The following NELL2 variants were observed in gnomAD, a reference collection of about 807,000 sequenced individuals.
NELL2 encodes protein kinase C-binding protein NELL2.
A neutral mutation model predicts 109.6 loss-of-function variants in NELL2; 41 were observed. The observed-to-expected ratio is 0.37, with a 90% CI of 0.29 to 0.49. NELL2 has a LOEUF of 0.49. NELL2 is among the 20% of genes least tolerant of loss of function. NELL2 has a pLI of 0.98. For missense variants in NELL2, 900 were observed against 1,008.3 expected (o/e 0.89, Z 1.45); for synonymous variants, 355 against 344.7 (o/e 1.03, Z -0.33).
At chr12:44,598,178 A>C (rs1052752996) in intron 15 of NELL2, among the ~76,000 whole-genome samples, 2 of 148,302 alleles carry the variant, frequency 1.3e-5, no homozygotes, top group African/African-American at 2.4e-5. Flanking sequence ...AAAAAAAAAA[A>C]AAAAACAGTA....
At chr12:44,828,232 G>T (rs1566485480) in intron 2 of NELL2, among the ~76,000 whole-genome samples, 1 of 151,924 alleles carries the variant, frequency 6.6e-6, no homozygotes, top group Non-Finnish European at 1.5e-5. Flanking sequence ...CTGTCAGATG[G>T]GTAGTTTGCA....
chr12:44,563,508 C>A (rs892288230), intron 15 of NELL2, among the ~76,000 whole-genome samples: 7 of 152,050 alleles, frequency 4.6e-5, no homozygotes, highest in Non-Finnish European at 1.0e-4. Flanking sequence ...CATCATTCAT[C>A]CATAGTTTTT....
intron 14 of NELL2, among the ~76,000 whole-genome samples, chr12:44,610,248 A>G (rs1384933754): frequency 6.6e-6 from 1 of 151,776 alleles, no homozygotes; most frequent in Admixed American, 6.6e-5. Context: ...GAGCAAAAAA[A>G]AAAAAACAAA....
intron 12 of NELL2, among the ~76,000 whole-genome samples, chr12:44,694,439 C>G (rs1030672219): frequency 1.3e-5 from 2 of 151,644 alleles, no homozygotes; most frequent in African/African-American, 4.8e-5. Flanking sequence ...ATTTTGAGAC[C>G]TGACAACCTC....
intron 12 of NELL2, among the ~76,000 whole-genome samples, chr12:44,670,504 T>C (rs1348915495): frequency 6.6e-6 from 1 of 151,546 alleles, no homozygotes; most frequent in Non-Finnish European, 1.5e-5. Flanking sequence ...CTTAAATTCA[T>C]CAATTAAAAG....
At chr12:44,701,201 A>C (rs1592361337) in intron 12 of NELL2, among the ~76,000 whole-genome samples, 1 of 152,114 alleles carries the variant, frequency 6.6e-6, no homozygotes, top group East Asian at 1.9e-4. Flanking sequence ...GAATTATTCA[A>C]ATCCTGAATA....
chr12:44,869,847 G>T (rs182503128), intron 2 of NELL2, among the ~76,000 whole-genome samples: 32 of 152,232 alleles, frequency 2.1e-4, no homozygotes, highest in African/African-American at 7.5e-4. Flanking sequence ...ATCTGAATAG[G>T]TTGATAATTT....
At chr12:44,863,520 T>TC (rs1566554578) in intron 2 of NELL2, among the ~76,000 whole-genome samples, 1 of 150,248 alleles carries the variant, frequency 6.7e-6, no homozygotes, top group African/African-American at 2.5e-5. Context: ...GTAGAAGTAA[T>TC]AAAAAAAAAC....
intron 2 of NELL2, among the ~76,000 whole-genome samples, chr12:44,868,343 T>A (rs772521957): frequency 6.6e-6 from 1 of 152,150 alleles, no homozygotes; most frequent in African/African-American, 2.4e-5. Flanking sequence ...TTAATATTGT[T>A]AAAATTTCCA....
At chr12:44,792,517 T>TA (rs1229081151) in intron 3 of NELL2, among the ~76,000 whole-genome samples, 1 of 152,044 alleles carries the variant, frequency 6.6e-6, no homozygotes, top group Non-Finnish European at 1.5e-5. Flanking sequence ...ATATAAAAAT[T>TA]AAATCTTTTT....
intron 19 of NELL2, among the ~76,000 whole-genome samples, chr12:44,519,267 T>C (rs1315761080): frequency 1.3e-5 from 2 of 152,252 alleles, no homozygotes; most frequent in African/African-American, 2.4e-5. Flanking sequence ...AAATTATGAC[T>C]ATAAAGCATA....
intron 2 of NELL2, among the ~76,000 whole-genome samples, chr12:44,820,468 G>T (rs1383887861): frequency 6.6e-6 from 1 of 152,058 alleles, no homozygotes; most frequent in Non-Finnish European, 1.5e-5. Context: ...AATTAGCCAG[G>T]CGTGGTGATG....
chr12:44,702,264 G>A (rs534137788), intron 12 of NELL2, among the ~76,000 whole-genome samples: 52 of 152,008 alleles, frequency 3.4e-4, no homozygotes, highest in Non-Finnish European at 1.2e-4. Context: ...CACTAATTCT[G>A]TCTTAGCTCC....
chr12:44,669,405 A>T (rs1355555171), intron 12 of NELL2, among the ~76,000 whole-genome samples: 1 of 152,206 alleles, frequency 6.6e-6, no homozygotes, highest in African/African-American at 2.4e-5. Context: ...ACATAAAGGA[A>T]ATCTATAAAA....
chr12:44,583,023 C>T (rs1268298327), intron 15 of NELL2, among the ~76,000 whole-genome samples: 1 of 152,006 alleles, frequency 6.6e-6, no homozygotes, highest in South Asian at 2.1e-4. Flanking sequence ...ACATGTGGAC[C>T]CCTTGACCTT....
intron 2 of NELL2, among the ~76,000 whole-genome samples, chr12:44,825,300 G>T (rs1943673152): frequency 6.7e-6 from 1 of 148,206 alleles, no homozygotes; most frequent in South Asian, 2.2e-4. Context: ...GTGTTTCATA[G>T]TTTTCATTGT....
At chr12:44,878,388 C>T (rs1288003054), upstream of NELL2, among the ~76,000 whole-genome samples, 1 of 152,122 alleles carries the variant, frequency 6.6e-6, no homozygotes, top group Admixed American at 6.5e-5. Flanking sequence ...GGTTTGGAAA[C>T]CCATAGTAAA....
At chr12:44,892,061 G>C (rs980523158) in intron 1 of NELL2, among the ~76,000 whole-genome samples, 3 of 152,170 alleles carry the variant, frequency 2.0e-5, no homozygotes, top group Non-Finnish European at 4.4e-5. Context: ...TTCACACTGG[G>C]CAAGACATCT....
intron 2 of NELL2, among the ~76,000 whole-genome samples, chr12:44,823,747 T>G (rs1020323301): frequency 6.6e-6 from 1 of 152,240 alleles, no homozygotes; most frequent in Non-Finnish European, 1.5e-5. Flanking sequence ...CCTTTAGATA[T>G]ATACCCAGAA....
Sources: allele counts gnomAD v4.1 joint callset (sites outside exome capture counted in the v4.1 genomes callset), GRCh38; gene constraint gnomAD v4.1.1; transcripts MANE v1.5; gene names NCBI Gene and HGNC (gene_info 2026-07-23, HGNC 2026-07-21).